The following PCBP3 variants were observed in gnomAD, a reference collection of about 807,000 sequenced individuals.
PCBP3 encodes poly(rC)-binding protein 3.
PCBP3 carries 25 observed loss-of-function variants against 52.7 expected under a neutral mutation model. That is an observed-to-expected ratio of 0.47 (90% CI 0.35 to 0.66). PCBP3 has a LOEUF of 0.66. PCBP3 is among the 30% of genes least tolerant of loss of function. The probability of loss-of-function intolerance (pLI) is 0.01; values close to 1 mark genes in which losing one functional copy is unlikely to be tolerated. For synonymous variants in PCBP3, 162 were observed against 183.0 expected, an observed-to-expected ratio of 0.89 and a Z score of 0.93; for missense variants, 391 against 490.3, an observed-to-expected ratio of 0.80 and a Z score of 1.91.
intron 4 of PCBP3, among the ~76,000 whole-genome samples, chr21:45,783,301 CTA>C (rs1299119833): frequency 1.3e-5 from 2 of 152,106 alleles, no homozygotes; most frequent in African/African-American, 4.8e-5. Flanking sequence ...AGCCATTTTT[CTA>C]TTGATGTCTG....
chr21:45,878,923 G>T (rs1048591980), intron 5 of PCBP3, among the ~76,000 whole-genome samples: 1 of 152,170 alleles, frequency 6.6e-6, no homozygotes, highest in Non-Finnish European at 1.5e-5. Flanking sequence ...CAGGAGGAAG[G>T]GTGAGCCCTC....
intron 5 of PCBP3, among the ~76,000 whole-genome samples, chr21:45,851,722 T>C (rs1051856545): frequency 1.3e-5 from 2 of 152,182 alleles, no homozygotes; most frequent in African/African-American, 2.4e-5. Context: ...TTTGAAAACA[T>C]AGGTGAAATT....
intron 3 of PCBP3, among the ~76,000 whole-genome samples, chr21:45,754,177 T>G: frequency 6.6e-6 from 1 of 152,170 alleles, no homozygotes; most frequent in East Asian, 1.9e-4. Flanking sequence ...GCATGTGGCA[T>G]AGAAAAAGCT....
chr21:45,868,048 G>T (rs570027454), intron 5 of PCBP3, among the ~76,000 whole-genome samples: 8 of 152,278 alleles, frequency 5.3e-5, no homozygotes, highest in African/African-American at 1.9e-4. Flanking sequence ...ACTCGGAGGC[G>T]CAGTGGGCCC....
chr21:45,910,336 G>C (rs2096361579), intron 10 of PCBP3, among the ~76,000 whole-genome samples: 1 of 151,622 alleles, frequency 6.6e-6, no homozygotes, highest in Non-Finnish European at 1.5e-5. Context: ...ATGGTTCTGG[G>C]CAAGGGAGGC....
At chr21:45,784,730 C>T (rs1340657973) in intron 4 of PCBP3, among the ~76,000 whole-genome samples, 6 of 152,236 alleles carry the variant, frequency 3.9e-5, no homozygotes, top group South Asian at 2.1e-4. Context: ...CCCGAGGTGC[C>T]GGGATTGCAG....
chr21:45,653,850 A>G (rs2079843343), intron 1 of PCBP3, among the ~76,000 whole-genome samples: 1 of 151,978 alleles, frequency 6.6e-6, no homozygotes, highest in South Asian at 2.1e-4. Flanking sequence ...TTTTTTGAAA[A>G]AATCATTCCA....
chr21:45,709,539 A>G (rs961026144), intron 2 of PCBP3, among the ~76,000 whole-genome samples: 1 of 151,738 alleles, frequency 6.6e-6, no homozygotes, highest in African/African-American at 2.4e-5. Flanking sequence ...ACATGTTCAG[A>G]CTAAGACGGG....
At chr21:45,713,900 T>G (rs1366007175) in intron 2 of PCBP3, among the ~76,000 whole-genome samples, 31 of 152,226 alleles carry the variant, frequency 2.0e-4, no homozygotes, top group Non-Finnish European at 4.4e-5. Flanking sequence ...TGTTGTCTTA[T>G]GAAAGGGGCC....
At chr21:45,666,808 A>G (rs1277582660) in intron 1 of PCBP3, among the ~76,000 whole-genome samples, 1 of 151,316 alleles carries the variant, frequency 6.6e-6, no homozygotes, top group African/African-American at 2.4e-5. Flanking sequence ...GCTCACTGCA[A>G]CCTATGCCTT....
chr21:45,858,063 G>T (rs908550398), intron 5 of PCBP3, among the ~76,000 whole-genome samples: 3 of 152,220 alleles, frequency 2.0e-5, no homozygotes, highest in Non-Finnish European at 2.9e-5. Flanking sequence ...CCATGCCCCA[G>T]GGAGCCTCAT....
chr21:45,719,687 G>GT (rs1164600144), intron 2 of PCBP3, among the ~76,000 whole-genome samples: 4 of 152,136 alleles, frequency 2.6e-5, no homozygotes, highest in Admixed American at 2.6e-4. Flanking sequence ...TGCCGTGATT[G>GT]TAAGTTTCCT....
intron 11 of PCBP3, among the ~76,000 whole-genome samples, chr21:45,911,780 C>T (rs1448492498): frequency 6.6e-6 from 1 of 152,238 alleles, no homozygotes; most frequent in Non-Finnish European, 1.5e-5. Context: ...TCGTACTTGG[C>T]TTGGGGTTCA....
intron 4 of PCBP3, among the ~76,000 whole-genome samples, chr21:45,809,559 C>T (rs935079292): frequency 6.6e-5 from 10 of 152,166 alleles, no homozygotes; most frequent in East Asian, 3.9e-4. Flanking sequence ...CAATCGTGCT[C>T]GGCTCTGGAT....
At chr21:45,722,662 A>G (rs75344828) in intron 2 of PCBP3, among the ~76,000 whole-genome samples, 3,556 of 152,206 alleles carry the variant, frequency 0.023, 144 homozygotes, top group African/African-American at 0.081. Flanking sequence ...GATTTACTAC[A>G]CTTTCTTAGC....
At chr21:45,840,151 A>T (rs116263486) in intron 4 of PCBP3, among the ~76,000 whole-genome samples, 3 of 151,992 alleles carry the variant, frequency 2.0e-5, no homozygotes, top group African/African-American at 7.2e-5. Flanking sequence ...AAAAGTTTAT[A>T]GAGTAAAAAT....
chr21:45,721,523 C>G (rs962239592), intron 2 of PCBP3, among the ~76,000 whole-genome samples: 10 of 151,894 alleles, frequency 6.6e-5, no homozygotes, highest in Admixed American at 6.6e-4. Context: ...CTCGAGTTCA[C>G]AATGATTTCC....
chr21:45,936,304 C>T (rs1322279984), intron 16 of PCBP3, among the ~76,000 whole-genome samples: 7 of 152,356 alleles, frequency 4.6e-5, no homozygotes, highest in South Asian at 2.1e-4. Flanking sequence ...GCCACTGACC[C>T]GCCTGAAGAG....
intron 1 of PCBP3, among the ~76,000 whole-genome samples, chr21:45,648,017 T>G (rs977261928): frequency 1.3e-5 from 2 of 152,212 alleles, no homozygotes; most frequent in African/African-American, 4.8e-5. Context: ...CTGCCATTGC[T>G]GGCTTTGAAG....
Sources: gnomAD v4.1 joint callset for allele counts (sites outside exome capture counted in the v4.1 genomes callset) on GRCh38, gnomAD v4.1.1 for gene constraint, MANE v1.5 for transcripts, NCBI Gene and HGNC (gene_info 2026-07-23, HGNC 2026-07-21) for gene names.